FRMPD4: variants seen among roughly 807,000 people sequenced by gnomAD.
The protein encoded by FRMPD4 is FERM and PDZ domain-containing protein 4.
A neutral mutation model predicts 94.1 loss-of-function variants in FRMPD4; 22 were observed. The ratio of observed to expected loss-of-function variants is 0.23; its 90% CI spans 0.17 to 0.33. The LOEUF (loss-of-function observed/expected upper bound fraction) is 0.33, where lower values mean the gene tolerates loss of function less well. Among genes scored for constraint, FRMPD4 ranks in the 10% least tolerant of loss-of-function variants. The probability of loss-of-function intolerance (pLI) is 1.00; values close to 1 mark genes in which losing one functional copy is unlikely to be tolerated. For synonymous variants in FRMPD4, 631 were observed against 548.6 expected (o/e 1.15, Z -2.10); for missense variants, 1,111 against 1,339.9 (o/e 0.83, Z 2.67).
intron 2 of FRMPD4, among the ~76,000 whole-genome samples, chrX:12,503,127 A>G (rs1280804904): frequency 8.9e-6 from 1 of 112,060 alleles, no homozygotes; most frequent in Non-Finnish European, 1.9e-5. Context: ...AAAAAATTAA[A>G]ACATGAGCAA....
At position 12,718,381 on chromosome X, in the gene FRMPD4, G is replaced by C. The variant is rs2042147536; in HGVS notation, c.3555G>C (p.Glu1185Asp). 8.3e-7 allele frequency: 1 copy of C among 1,210,363 alleles called. No individual in the cohort carries two copies. Among genetic ancestry groups the C allele is most frequent in the Non-Finnish European group, 1.1e-6 (1 of 895,228 alleles). Residue 1185 changes from glutamate (E) to aspartate (D), a missense_variant, in exon 16 of 17, where the codon GAG becomes GAC. Glu to Asp is a conservative substitution (Grantham distance 45). Coordinates refer to ENST00000675598, the MANE Select transcript of FRMPD4 (RefSeq NM_001368397.1). ...CTTCCAAGCTTCCTGAGGCTGATGA[G>C]AGTGTGGCCCGCCTTTGTGACTACC... ...DHPSKLPEAD[E>D]SVARLCDYHL... is the part of the protein sequence containing the mutation.
chrX:12,140,938 G>A (rs1400204824), intron 1 of FRMPD4, among the ~76,000 whole-genome samples: 1 of 111,783 alleles, frequency 8.9e-6, no homozygotes, highest in Non-Finnish European at 1.9e-5. Flanking sequence ...AGGTGCAAAT[G>A]TTCTGAGCTG....
At chrX:12,713,595 T>C (rs1465569860) in intron 14 of FRMPD4, among the ~76,000 whole-genome samples, 1 of 110,954 alleles carries the variant, frequency 9.0e-6, no homozygotes, top group African/African-American at 3.3e-5. Context: ...GGGCTCAGCA[T>C]ACTCTAAGGG....
chrX:12,087,055 A>G (rs1032841929), intron 3 of FRMPD4, among the ~76,000 whole-genome samples: 7 of 111,465 alleles, frequency 6.3e-5, no homozygotes, highest in Non-Finnish European at 1.1e-4. Context: ...CCAGGCCCCA[A>G]GGGAGAGTCT....
intron 3 of FRMPD4, among the ~76,000 whole-genome samples, chrX:11,888,361 T>G (rs746849172): frequency 8.9e-6 from 1 of 112,216 alleles, no homozygotes; most frequent in Non-Finnish European, 1.9e-5. Context: ...ATTCTATTCA[T>G]ATTTCTATAG....
At chrX:12,000,721 A>G (rs1342667082) in intron 3 of FRMPD4, among the ~76,000 whole-genome samples, 1 of 111,781 alleles carries the variant, frequency 8.9e-6, no homozygotes, top group Admixed American at 9.5e-5. Context: ...CAATCCCTCA[A>G]ACTAGATTTG....
intron 3 of FRMPD4, among the ~76,000 whole-genome samples, chrX:11,879,716 C>A (rs1329065481): frequency 9.0e-6 from 1 of 111,419 alleles, no homozygotes; most frequent in Non-Finnish European, 1.9e-5. Flanking sequence ...CCATTATTAT[C>A]ACTTCAGCTT....
chrX:11,868,731 C>A (rs1384264145), intron 2 of FRMPD4, among the ~76,000 whole-genome samples: 1 of 112,202 alleles, frequency 8.9e-6, no homozygotes, highest in Non-Finnish European at 1.9e-5. Flanking sequence ...TCTGGCCGGT[C>A]TCTGACATTA....
chrX:12,306,193 C>T (rs1427834528), intron 1 of FRMPD4, among the ~76,000 whole-genome samples: 1 of 111,095 alleles, frequency 9.0e-6, no homozygotes, highest in Admixed American at 9.6e-5. Flanking sequence ...GAAATTATTT[C>T]CACAATCAGA....
chrX:12,463,681 G>GTGTGTTTTTT (rs1555969426), intron 1 of FRMPD4, among the ~76,000 whole-genome samples: 8 of 51,046 alleles, frequency 1.6e-4, no homozygotes, highest in African/African-American at 5.2e-4. Flanking sequence ...CTATGTGTGT[G>GTGTGTTTTTT]TTTTTTTTTT....
At chrX:12,658,065 A>C (rs982203038) in intron 4 of FRMPD4, among the ~76,000 whole-genome samples, 1 of 111,848 alleles carries the variant, frequency 8.9e-6, no homozygotes, top group Non-Finnish European at 1.9e-5. Context: ...CATAGAAAGG[A>C]AAAGTGGCTC....
At chrX:12,349,484 C>A (rs2055768057) in intron 1 of FRMPD4, among the ~76,000 whole-genome samples, 1 of 110,673 alleles carries the variant, frequency 9.0e-6, no homozygotes, top group South Asian at 3.8e-4. Context: ...TGTGGGAAAA[C>A]AGCAGCGAAA....
intron 13 of FRMPD4, among the ~76,000 whole-genome samples, chrX:12,708,485 C>A (rs866754767): frequency 2.8e-4 from 24 of 86,040 alleles, no homozygotes; most frequent in African/African-American, 9.2e-4. Context: ...AAAAAAAAAA[C>A]ACAAAAATCT....
chrX:12,066,247 A>G (rs1001219805), intron 3 of FRMPD4, among the ~76,000 whole-genome samples: 27 of 112,019 alleles, frequency 2.4e-4, no homozygotes, highest in African/African-American at 8.7e-4. Flanking sequence ...CCCAAAATAT[A>G]CACTATGTAG....
At chrX:12,276,895 G>A (rs899721270) in intron 1 of FRMPD4, among the ~76,000 whole-genome samples, 1 of 110,632 alleles carries the variant, frequency 9.0e-6, no homozygotes, top group African/African-American at 3.3e-5. Context: ...GCCGAGGCGG[G>A]CGGATCACGA....
chrX:12,708,888 G>C (rs999763022), intron 13 of FRMPD4: 6 of 113,651 alleles, frequency 5.3e-5, no homozygotes, highest in African/African-American at 2.0e-4. Flanking sequence ...CAGACATGCT[G>C]GCTGTGACCT....
chrX:12,666,968 G>C (rs1400213297), intron 4 of FRMPD4, among the ~76,000 whole-genome samples: 4 of 112,310 alleles, frequency 3.6e-5, no homozygotes, highest in African/African-American at 1.3e-4. Flanking sequence ...CTGAAGTACA[G>C]GAAGAATAAA....
chrX:12,071,417 C>G (rs1208277960), intron 3 of FRMPD4, among the ~76,000 whole-genome samples: 2 of 111,845 alleles, frequency 1.8e-5, no homozygotes, highest in Non-Finnish European at 3.8e-5. Flanking sequence ...AATATCTTTG[C>G]AGAACTTAAC....
chrX:11,987,098 TAA>T (rs35377550), intron 3 of FRMPD4, among the ~76,000 whole-genome samples: 6 of 21,841 alleles, frequency 2.7e-4, no homozygotes, highest in African/African-American at 1.9e-3. Flanking sequence ...AAAGACACAT[TAA>T]AAAAAAAAAA....
Sources: allele counts gnomAD v4.1 joint callset (sites outside exome capture counted in the v4.1 genomes callset), GRCh38; gene constraint gnomAD v4.1.1; transcripts MANE v1.5; gene names NCBI Gene and HGNC (gene_info 2026-07-23, HGNC 2026-07-21).